The following HECW1 variants were observed in gnomAD, a reference collection of about 807,000 sequenced individuals.
HECW1 encodes the protein E3 ubiquitin-protein ligase HECW1.
In HECW1, 61 loss-of-function variants were observed where a neutral mutation model predicts 182.3. The observed-to-expected ratio is 0.33, with a 90% CI of 0.27 to 0.41. HECW1 has a LOEUF of 0.41. HECW1 is among the 10% of genes least tolerant of loss of function. HECW1 has a pLI of 1.00. For missense variants in HECW1, 1,739 were observed against 2,108.9 expected, an observed-to-expected ratio of 0.82 and a Z score of 3.44; for synonymous variants, 859 against 832.6, an observed-to-expected ratio of 1.03 and a Z score of -0.55.
chr7:43,134,722 A>T (rs1022330963), intron 2 of HECW1, among the ~76,000 whole-genome samples: 1 of 151,142 alleles, frequency 6.6e-6, no homozygotes, highest in African/African-American at 2.4e-5. Context: ...TATTTGGGGG[A>T]TTTTTTTTTC....
At chr7:43,223,877 C>T (rs1797199466) in intron 2 of HECW1, among the ~76,000 whole-genome samples, 1 of 152,182 alleles carries the variant, frequency 6.6e-6, no homozygotes, top group Non-Finnish European at 1.5e-5. Context: ...GGCTGTGAAT[C>T]CCCAGGTCTC....
chr7:43,444,835 AC>A lies in HECW1; in HGVS notation c.1667del (p.Pro556ArgfsTer256). The stretch of plus-strand genomic sequence containing the variant: ...CGCGTCAGCCTGCGGGGACCCCGAG[AC>A]CCCGCGGACACACTACATCCGCATC... ...VIASACGDPE[T>X]PRTHYIRIHT... On this transcript the variant is annotated frameshift_variant, in exon 11 of 30. Transcript: ENST00000395891. LOFTEE classifies it high-confidence loss of function. This position sits in a 1 kb window ranked among gnomAD's most constrained non-coding sequence, Gnocchi z 4.3. The A allele has an allele frequency of 1.9e-6, 3 of 1,613,668 alleles. No homozygotes were observed. Among genetic ancestry groups the A allele is most frequent in the Non-Finnish European group, 2.5e-6 (3 of 1,179,958 alleles).
chr7:43,335,981 C>T (rs201420939), intron 5 of HECW1, among the ~76,000 whole-genome samples: 27 of 132,590 alleles, frequency 2.0e-4, no homozygotes, highest in African/African-American at 6.7e-4. Flanking sequence ...CTCTCTCTCT[C>T]TTTCTCTCTC....
intron 5 of HECW1, among the ~76,000 whole-genome samples, chr7:43,337,538 C>A (rs1812456626): frequency 6.6e-6 from 1 of 152,206 alleles, no homozygotes; most frequent in African/African-American, 2.4e-5. Context: ...GTGGCCAGTG[C>A]ATGCTGCAAC....
In HECW1 at chr7:43,430,779, T is replaced by TTTATTATTATTATTATTA. The variant is rs150459406; in HGVS notation, c.802-7221_802-7204dup. On this transcript the variant is annotated intron_variant, in intron 8 of 29. Coordinates refer to ENST00000395891, the MANE Select transcript of HECW1 (RefSeq NM_015052.5). ...ACTGTGGCCTCCATTTTTATTTTTC[T>TTTATTATTATTATTATTA]TTATTATTATTATTATTATTGAGAT... is the stretch of plus-strand genomic sequence containing the variant. Among the ~76,000 whole-genome samples the TTTATTATTATTATTATTA allele has an allele frequency of 7.4e-3, 1,049 of 141,720 alleles. 13 individuals carry two copies. Among genetic ancestry groups the TTTATTATTATTATTATTA allele is most frequent in the African/African-American group, 0.015 (564 of 38,360 alleles). 93.0% of individuals were successfully genotyped at this position (141,720 alleles called of 152,430 possible).
At chr7:43,410,960 C>A (rs567948475) in intron 8 of HECW1, among the ~76,000 whole-genome samples, 78 of 151,450 alleles carry the variant, frequency 5.2e-4, no homozygotes, top group African/African-American at 1.7e-3. Flanking sequence ...TAGCTCTTGA[C>A]ATCATTTTCT....
chr7:43,393,533 G>A (rs866776690), intron 6 of HECW1, among the ~76,000 whole-genome samples: 5 of 152,192 alleles, frequency 3.3e-5, no homozygotes, highest in African/African-American at 1.2e-4. Context: ...CTCCATTTTT[G>A]TATCATCAGT....
At chr7:43,228,568 G>C (rs1797630726) in intron 2 of HECW1, among the ~76,000 whole-genome samples, 1 of 152,054 alleles carries the variant, frequency 6.6e-6, no homozygotes, top group Non-Finnish European at 1.5e-5. Context: ...TCACCAGCTG[G>C]GTATAAATTA....
In HECW1 at chr7:43,191,470, C is replaced by T. The variant is rs574255264; in HGVS notation, c.-31-52405C>T. On this transcript the variant is annotated intron_variant, in intron 2 of 29. Transcript: ENST00000395891. ...TCACCAGTGGATAGTCAATGTCAGGCGTGGCCCAGCTGTCACCATGTGTGT... is the reference window on the plus strand; with the variant it reads ...TCACCAGTGGATAGTCAATGTCAGGTGTGGCCCAGCTGTCACCATGTGTGT... Among the ~76,000 whole-genome samples the T allele has an allele frequency of 1.3e-4, 20 of 150,894 alleles. No individual in the cohort carries two copies. The South Asian group carries it at 3.9e-3, about 30-fold the overall frequency.
intron 2 of HECW1, among the ~76,000 whole-genome samples, chr7:43,201,795 C>T (rs1268861230): frequency 2.6e-5 from 4 of 151,710 alleles, no homozygotes; most frequent in South Asian, 2.1e-4. Flanking sequence ...TACAACTAAA[C>T]GAAAAAAATA....
At chr7:43,334,049 C>T (rs17172198) in intron 5 of HECW1, among the ~76,000 whole-genome samples, 36,197 of 151,938 alleles carry the variant, frequency 0.24, 4,908 homozygotes, top group African/African-American at 0.39. Context: ...TACGTTATAC[C>T]TCTCTCTTTT....
At chr7:43,309,681 A>G (rs191265146) in intron 3 of HECW1, among the ~76,000 whole-genome samples, 4 of 152,344 alleles carry the variant, frequency 2.6e-5, no homozygotes, top group Admixed American at 2.0e-4. Context: ...GAGCACCAGT[A>G]TATAGAGCAC....
In HECW1 at chr7:43,450,885, C is replaced by G; in HGVS notation, c.2456C>G (p.Pro819Arg). 6.2e-7 allele frequency: 1 copy of G among 1,613,618 alleles called. No homozygotes were observed. The highest frequency in any genetic ancestry group is 8.5e-7 in the Non-Finnish European group (1 of 1,179,538). Residue 819 changes from proline (P) to arginine (R), a missense_variant, in exon 12 of 30, where the codon CCT becomes CGT. Coordinates refer to ENST00000395891, the MANE Select transcript of HECW1 (RefSeq NM_015052.5). The part of the protein sequence containing the change: ...QPVSQLPSLR[P>R]EHHHYPTIDE... Reference sequence around the variant, plus strand: ...GTAAGCCAGCTTCCTTCCCTGAGGCCTGAACATCATCACTACCCAACAATC... The same window carrying G: ...GTAAGCCAGCTTCCTTCCCTGAGGCGTGAACATCATCACTACCCAACAATC...
chr7:43,330,205 A>G (rs1381003056), intron 5 of HECW1, among the ~76,000 whole-genome samples: 1 of 152,134 alleles, frequency 6.6e-6, no homozygotes, highest in East Asian at 1.9e-4. Context: ...AGGCCTCAAG[A>G]TATTGGAAGC....
chr7:43,449,510 T>C (rs555299777), intron 11 of HECW1, among the ~76,000 whole-genome samples: 3 of 152,324 alleles, frequency 2.0e-5, no homozygotes, highest in Admixed American at 1.3e-4. Context: ...TCTTCCTAAT[T>C]AATTTATTTT....
At chr7:43,532,269 C>G (rs75274682) in intron 24 of HECW1, among the ~76,000 whole-genome samples, 7,994 of 152,122 alleles carry the variant, frequency 0.053, 532 homozygotes, top group African/African-American at 0.15. Context: ...ACCTCCTCAC[C>G]TCCACTACCA....
chr7:43,525,999 A>G (rs1472636528), intron 24 of HECW1, among the ~76,000 whole-genome samples: 1 of 152,220 alleles, frequency 6.6e-6, no homozygotes, highest in East Asian at 1.9e-4. Flanking sequence ...GAAAAATATC[A>G]TCAGTAGGTA....
At chr7:43,508,399 T>A (rs1232097912) in intron 23 of HECW1, among the ~76,000 whole-genome samples, 2 of 152,202 alleles carry the variant, frequency 1.3e-5, no homozygotes, top group Non-Finnish European at 2.9e-5. Flanking sequence ...CCTTTTTAGG[T>A]GGTGTACCCC....
chr7:43,460,448 G>C (rs73098725), intron 13 of HECW1, among the ~76,000 whole-genome samples: 10 of 152,254 alleles, frequency 6.6e-5, no homozygotes, highest in Non-Finnish European at 1.0e-4. Flanking sequence ...TTTTTTAAAG[G>C]GGGGAGGTTG....
Sources: allele counts gnomAD v4.1 joint callset (sites outside exome capture counted in the v4.1 genomes callset), GRCh38; gene constraint gnomAD v4.1.1; non-coding constraint Gnocchi (gnomAD v3.1); transcripts MANE v1.5; gene names NCBI Gene and HGNC (gene_info 2026-07-23, HGNC 2026-07-21).